The following MDGA2 variants were observed in gnomAD, a reference collection of about 807,000 sequenced individuals.
The protein encoded by MDGA2 is MAM domain-containing glycosylphosphatidylinositol anchor protein 2.
In MDGA2, 40 loss-of-function variants were observed where a neutral mutation model predicts 117.8. That is an observed-to-expected ratio of 0.34 (90% CI 0.26 to 0.44). The LOEUF (loss-of-function observed/expected upper bound fraction) is 0.44, where lower values mean the gene tolerates loss of function less well. Ranked by LOEUF, MDGA2 falls within the 20% of genes least tolerant of loss-of-function variation. The pLI is 1.00. For missense variants in MDGA2, 1,123 were observed against 1,250.6 expected (o/e 0.90, Z 1.54); for synonymous variants, 452 against 439.0 (o/e 1.03, Z -0.37).
intron 9 of MDGA2, among the ~76,000 whole-genome samples, chr14:46,954,550 G>A (rs770736654): frequency 6.6e-6 from 1 of 152,014 alleles, no homozygotes; most frequent in Admixed American, 6.6e-5. Context: ...CCAGCTTCTT[G>A]TGGCTCCAGG....
intron 5 of MDGA2, 44 bp downstream of exon 5, chr14:47,131,670 A>G: frequency 7.1e-7 from 1 of 1,409,478 alleles, no homozygotes; most frequent in East Asian, 2.4e-5. Flanking sequence ...TTTAAACATT[A>G]GTTGTAGATA....
intron 3 of MDGA2, among the ~76,000 whole-genome samples, chr14:47,205,354 A>G (rs1425460551): frequency 6.6e-6 from 1 of 151,908 alleles, no homozygotes; most frequent in Non-Finnish European, 1.5e-5. Flanking sequence ...TTACTTCTCA[A>G]AGAGTCTATA....
chr14:47,083,578 T>C (rs1275339323), intron 6 of MDGA2, among the ~76,000 whole-genome samples: 2 of 152,030 alleles, frequency 1.3e-5, no homozygotes, highest in African/African-American at 4.8e-5. Flanking sequence ...AGAAAAGCTC[T>C]AATATTTCAA....
chr14:47,402,039 T>C (rs1231527481), intron 1 of MDGA2, among the ~76,000 whole-genome samples: 1 of 152,210 alleles, frequency 6.6e-6, no homozygotes, highest in African/African-American at 2.4e-5. Flanking sequence ...GTGTAGTTTA[T>C]TGGTGTCTAT....
At chr14:46,984,949 C>T (rs922413327) in intron 8 of MDGA2, among the ~76,000 whole-genome samples, 1 of 152,042 alleles carries the variant, frequency 6.6e-6, no homozygotes, top group Non-Finnish European at 1.5e-5. Flanking sequence ...CCTTAAAATA[C>T]TTTTAACTAG....
intron 7 of MDGA2, among the ~76,000 whole-genome samples, chr14:47,037,718 AAT>A (rs1360693083): frequency 2.0e-5 from 3 of 152,226 alleles, no homozygotes; most frequent in African/African-American, 7.2e-5. Context: ...TCTATATCTG[AAT>A]ATGTTTCACA....
chr14:46,879,944 T>C (rs1882379509), intron 11 of MDGA2, among the ~76,000 whole-genome samples: 1 of 152,174 alleles, frequency 6.6e-6, no homozygotes, highest in African/African-American at 2.4e-5. Context: ...AGGAAACGTA[T>C]ACTTAAGGGT....
intron 7 of MDGA2, among the ~76,000 whole-genome samples, chr14:47,038,611 T>G (rs1433316846): frequency 6.6e-6 from 1 of 152,042 alleles, no homozygotes; most frequent in Non-Finnish European, 1.5e-5. Context: ...TTTTACAAAA[T>G]AGCAAAATCT....
chr14:47,086,094 G>GTTTTTTTTTTTTTT (rs11331632), intron 6 of MDGA2, among the ~76,000 whole-genome samples: 1 of 141,772 alleles, frequency 7.1e-6, no homozygotes, highest in African/African-American at 2.6e-5. Context: ...AATGTGTAAG[G>GTTTTTTTTTTTTTT]TTTTTTTTTT....
At chr14:47,618,424 A>C (rs1256463798) in intron 1 of MDGA2, among the ~76,000 whole-genome samples, 1 of 152,122 alleles carries the variant, frequency 6.6e-6, no homozygotes, top group Admixed American at 6.6e-5. Context: ...CTGTCCATCA[A>C]GTCTGTGTGG....
At chr14:47,455,612 T>C (rs182550844) in intron 1 of MDGA2, among the ~76,000 whole-genome samples, 4 of 152,294 alleles carry the variant, frequency 2.6e-5, no homozygotes, top group Admixed American at 2.0e-4. Context: ...CCAAGTAATC[T>C]TGAATATAAG....
chr14:47,600,058 T>C (rs1269392305), intron 1 of MDGA2, among the ~76,000 whole-genome samples: 6 of 152,064 alleles, frequency 3.9e-5, no homozygotes, highest in Non-Finnish European at 5.9e-5. Flanking sequence ...ACATGACTTA[T>C]AGCCATATAG....
chr14:47,621,266 CCTT>C (rs761106110), intron 1 of MDGA2, among the ~76,000 whole-genome samples: 19 of 152,062 alleles, frequency 1.2e-4, no homozygotes, highest in African/African-American at 4.1e-4. Context: ...TACTATTCTC[CCTT>C]CTTCTTTCCA....
intron 1 of MDGA2, among the ~76,000 whole-genome samples, chr14:47,339,449 G>A (rs1890555237): frequency 6.6e-6 from 1 of 152,098 alleles, no homozygotes; most frequent in African/African-American, 2.4e-5. Context: ...TGTGGTCAGT[G>A]AGATCTAGTG....
At chr14:47,535,124 T>G (rs1566503058) in intron 1 of MDGA2, among the ~76,000 whole-genome samples, 1 of 152,218 alleles carries the variant, frequency 6.6e-6, no homozygotes, top group Non-Finnish European at 1.5e-5. Flanking sequence ...GTATTCAGTC[T>G]GTATTTTAAT....
At chr14:47,525,203 A>G (rs1240467634) in intron 1 of MDGA2, among the ~76,000 whole-genome samples, 1 of 152,234 alleles carries the variant, frequency 6.6e-6, no homozygotes, top group Non-Finnish European at 1.5e-5. Context: ...GAAATTTTTT[A>G]AGACTACGGT....
chr14:47,059,235 G>C, intron 7 of MDGA2: 1 of 988,674 alleles, frequency 1.0e-6, no homozygotes, highest in Admixed American at 2.4e-5. Flanking sequence ...TGAGATTATA[G>C]CAATGAGTGA....
chr14:47,194,777 A>G (rs975278387), intron 3 of MDGA2, among the ~76,000 whole-genome samples: 1 of 150,396 alleles, frequency 6.6e-6, no homozygotes, highest in African/African-American at 2.4e-5. Context: ...TTTCTCTCTC[A>G]CTCTCTCTTT....
intron 6 of MDGA2, among the ~76,000 whole-genome samples, chr14:47,064,319 T>G (rs1330558462): frequency 6.6e-6 from 1 of 152,012 alleles, no homozygotes; most frequent in Admixed American, 6.6e-5. Flanking sequence ...GAAACAAGTC[T>G]GCTAAGTGAG....
Sources: gnomAD v4.1 joint callset for allele counts (sites outside exome capture counted in the v4.1 genomes callset) on GRCh38, gnomAD v4.1.1 for gene constraint, MANE v1.5 for transcripts, NCBI Gene and HGNC (gene_info 2026-07-23, HGNC 2026-07-21) for gene names.